The following CAMLG variants were observed in gnomAD, a reference collection of about 807,000 sequenced individuals.
CAMLG encodes calcium modulating ligand, also known as guided entry of tail-anchored proteins factor CAMLG.
In CAMLG, 23 loss-of-function variants were observed where a neutral mutation model predicts 28.9. The ratio of observed to expected loss-of-function variants is 0.80; its 90% CI spans 0.57 to 1.13. CAMLG has a LOEUF of 1.13. Among genes scored for constraint, CAMLG ranks in the 50% most tolerant of loss-of-function variants. The probability of loss-of-function intolerance (pLI) is 0.00; values close to 1 mark genes in which losing one functional copy is unlikely to be tolerated. For synonymous variants in CAMLG, 141 were observed against 146.5 expected, an observed-to-expected ratio of 0.96 and a Z score of 0.27; for missense variants, 367 against 371.9, an observed-to-expected ratio of 0.99 and a Z score of 0.11.
chr5:134,750,537 CAAAA>C (rs750026162), intron 3 of CAMLG, among the ~76,000 whole-genome samples: 1 of 122,344 alleles, frequency 8.2e-6, no homozygotes, highest in Non-Finnish European at 1.7e-5. Context: ...GACTCCATCT[CAAAA>C]AAAAAAAAAG....
chr5:134,749,175 C>T (rs1207149673), intron 3 of CAMLG, among the ~76,000 whole-genome samples: 1 of 151,406 alleles, frequency 6.6e-6, no homozygotes, highest in Non-Finnish European at 1.5e-5. Context: ...TCAAGCAATT[C>T]TCCTGCCTCA....
In CAMLG at chr5:134,741,411, C is replaced by T. The variant is rs760036298; in HGVS notation, c.521C>T (p.Pro174Leu). Reference protein sequence around the residue: ...KLRKQLISEKPSQEDGNTTEE... With the variant: ...KLRKQLISEKLSQEDGNTTEE... ...AGGAAACAGCTGATTAGTGAAAAAC[C>T]CAGTCAAGAGGATGGAAATACAACA... The change falls in exon 2 of 4, where the codon CCC (proline) becomes CTC (leucine). Residue 174 changes from proline (P) to leucine (L), a missense_variant. By Grantham distance (98) the Pro-to-Leu change is moderately conservative. Coordinates refer to ENST00000297156, the MANE Select transcript of CAMLG (RefSeq NM_001745.4). 4 of 1,613,824 alleles carry T rather than the reference C, an allele frequency of 2.5e-6. No homozygotes were observed. Among genetic ancestry groups the T allele is most frequent in the Non-Finnish European group, 3.4e-6 (4 of 1,179,732 alleles).
At chr5:134,745,783 T>C (rs970893623) in intron 3 of CAMLG, among the ~76,000 whole-genome samples, 1 of 149,732 alleles carries the variant, frequency 6.7e-6, no homozygotes, top group Admixed American at 6.7e-5. Flanking sequence ...CTTTGAAACA[T>C]TGATTGTAGT....
chr5:134,742,896 G>T (rs1753001282), intron 2 of CAMLG, among the ~76,000 whole-genome samples: 1 of 152,028 alleles, frequency 6.6e-6, no homozygotes, highest in African/African-American at 2.4e-5. Flanking sequence ...GTGCCAACAC[G>T]CACGGCTAAT....
chr5:134,747,605 C>T (rs540675437), intron 3 of CAMLG, among the ~76,000 whole-genome samples: 20 of 151,232 alleles, frequency 1.3e-4, no homozygotes, highest in Non-Finnish European at 2.7e-4. Context: ...CTCGGCCCCC[C>T]AAAGTGCTGG....
chr5:134,744,111 A>G, intron 3 of CAMLG, 59 bp downstream of exon 3: 2 of 770,972 alleles, frequency 2.6e-6, no homozygotes, highest in Non-Finnish European at 4.4e-6. Context: ...ATGACTAGCT[A>G]ATTGAAGGAA....
rs1753106973 is a variant in CAMLG, at chr5:134,750,946, C to T, written c.887C>T (p.Pro296Leu). The change falls in exon 4 of 4, where the codon CCA becomes CTA. Residue 296 changes from proline (P) to leucine (L), a missense_variant. Physicochemically the swap from Pro to Leu is moderately conservative, Grantham distance 98 (BLOSUM62 -3). Transcript: ENST00000297156. ...CTTGATTATTGGGGCTCTGAAGTAC[C>T]ATGAAGCCTGTAGAACTGAGAAGGA... is the stretch of plus-strand genomic sequence containing the variant. ...ELLDYWGSEV[P>L] is the part of the protein sequence containing the mutation. 6.2e-7 allele frequency: 1 copy of T among 1,604,062 alleles called. No homozygotes were observed. Among genetic ancestry groups the T allele is most frequent in the Middle Eastern group, 1.7e-4 (1 of 6,028 alleles).
chr5:134,747,736 G>T (rs1289260338), intron 3 of CAMLG, among the ~76,000 whole-genome samples: 2 of 151,266 alleles, frequency 1.3e-5, no homozygotes, highest in Admixed American at 6.6e-5. Context: ...CCACCTCCCA[G>T]GTTCAAGCGA....
intron 2 of CAMLG, among the ~76,000 whole-genome samples, chr5:134,741,790 T>A (rs1361871457): frequency 2.0e-5 from 3 of 152,160 alleles, no homozygotes; most frequent in Non-Finnish European, 1.5e-5. Context: ...ATTGAAAATA[T>A]TTGGATTTAG....
Position 134,750,915 on chromosome 5 carries a change from G to C in CAMLG, c.856G>C (p.Glu286Gln). ...VYFFTFIFCHELLDYWGSEVP is the reference protein window; with the variant it reads ...VYFFTFIFCHQLLDYWGSEVP ...CTTTTTCACTTTTATCTTTTGTCATGAACTGCTTGATTATTGGGGCTCTGA... is the reference window on the plus strand; with the variant it reads ...CTTTTTCACTTTTATCTTTTGTCATCAACTGCTTGATTATTGGGGCTCTGA... Residue 286 changes from glutamate to glutamine, a missense_variant, in exon 4 of 4, where the codon GAA becomes CAA. Coordinates refer to ENST00000297156, the MANE Select transcript of CAMLG (RefSeq NM_001745.4). 6.2e-7 allele frequency: 1 copy of C among 1,613,376 alleles called. No individual in the cohort carries two copies. The highest frequency in any genetic ancestry group is 8.5e-7 in the Non-Finnish European group (1 of 1,179,874).
rs373460413 is a variant in CAMLG at position 134,741,275 on chromosome 5, C to G, written c.385C>G (p.Leu129Val). 6.2e-7 allele frequency: 1 copy of G among 1,614,052 alleles called. No individual in the cohort carries two copies. The highest frequency in any genetic ancestry group is 1.3e-5 in the African/African-American group (1 of 74,916). ...KPPECSSDVNLELRQRNRGDL... is the reference protein window; with the variant it reads ...KPPECSSDVNVELRQRNRGDL... Reference sequence around the variant, plus strand: ...ACCTGAGTGCAGTAGTGATGTCAACCTTGAGCTCCGGCAGCGGAACAGAGG... The same window carrying G: ...ACCTGAGTGCAGTAGTGATGTCAACGTTGAGCTCCGGCAGCGGAACAGAGG... Residue 129 changes from leucine to valine, a missense_variant, in exon 2 of 4, where the codon CTT becomes GTT. Coordinates refer to ENST00000297156, the MANE Select transcript of CAMLG (RefSeq NM_001745.4).
Position 134,750,980 on chromosome 5 carries a change from C to CA in CAMLG, c.*43dup, listed in dbSNP as rs748014093. The CA allele has an allele frequency of 0.091, 96,293 of 1,053,034 alleles. 70 individuals are homozygous for CA. Among genetic ancestry groups the CA allele is most frequent in the Non-Finnish European group, 0.1 (77,822 of 781,280 alleles). The allele number at this position is 1,053,034 out of a possible 1,614,324, so 65.2% of individuals were successfully genotyped here. A position where few individuals can be genotyped will look rare whatever the true frequency, so the allele number is the denominator to read the frequency against. Reference sequence around the variant, plus strand: ...TGTAGAACTGAGAAGGAGAAGCTTACAAAAAAAAAAAAATCCTCTTCTATA... The same window carrying CA: ...TGTAGAACTGAGAAGGAGAAGCTTACAAAAAAAAAAAAAATCCTCTTCTATA... On this transcript the variant is annotated 3_prime_UTR_variant, in exon 4 of 4. Coordinates refer to ENST00000297156, the MANE Select transcript of CAMLG (RefSeq NM_001745.4).
intron 3 of CAMLG, among the ~76,000 whole-genome samples, chr5:134,746,820 C>T (rs1052163678): frequency 4.6e-5 from 7 of 151,030 alleles, no homozygotes; most frequent in African/African-American, 1.7e-4. Context: ...AGGCGTGGTG[C>T]CTCACGCCTG....
At chr5:134,739,528 A>G (rs770349767) in intron 1 of CAMLG, among the ~76,000 whole-genome samples, 2 of 152,126 alleles carry the variant, frequency 1.3e-5, no homozygotes. Context: ...CCCCAAACAC[A>G]TGTCCAATGA....
chr5:134,749,317 C>T (rs1753086560), intron 3 of CAMLG, among the ~76,000 whole-genome samples: 1 of 152,140 alleles, frequency 6.6e-6, no homozygotes, highest in South Asian at 2.1e-4. Flanking sequence ...ATCCACCCAC[C>T]TCGACCTCCC....
Position 134,751,041 on chromosome 5 carries a change from C to T in CAMLG, c.*91C>T, listed in dbSNP as rs567162081. Reference sequence around the variant, plus strand: ...TCTAAAGGAGGCAAATTGGTTTACACCTTCATGTAATTCTTTTACTTTAGG... The same window carrying T: ...TCTAAAGGAGGCAAATTGGTTTACATCTTCATGTAATTCTTTTACTTTAGG... On this transcript the variant is annotated 3_prime_UTR_variant, in exon 4 of 4. Transcript: ENST00000297156. The T allele has an allele frequency of 4.7e-6, 4 of 846,930 alleles. No individual in the cohort carries two copies. Among genetic ancestry groups the T allele is most frequent in the Middle Eastern group, 4.6e-4 (2 of 4,338 alleles). 52.5% of individuals were successfully genotyped at this position (846,930 alleles called of 1,614,324 possible). A position where few individuals can be genotyped will look rare whatever the true frequency, so the allele number is the denominator to read the frequency against.
chr5:134,741,100 T>C lies in CAMLG; in HGVS notation c.210T>C (p.Ser70=). ...AAACAAAATCAAAGCAGCAGGACAG[T>C]GATAAACTGAACTCCCTCAGCGTTC... ...ESQTKSKQQD[S]DKLNSLSVPS... The change falls in exon 2 of 4, where the codon AGT becomes AGC. Residue 70 remains serine, a synonymous_variant. Transcript: ENST00000297156. 6.2e-7 allele frequency: 1 copy of C among 1,614,052 alleles called. No homozygotes were observed.
At chr5:134,745,450 A>G (rs1452317120) in intron 3 of CAMLG, among the ~76,000 whole-genome samples, 2 of 138,636 alleles carry the variant, frequency 1.4e-5, no homozygotes, top group African/African-American at 5.5e-5. Flanking sequence ...AAAAAAAAAA[A>G]AGAAAGAAAT....
In CAMLG at chr5:134,751,125, A is replaced by G; in HGVS notation, c.*175A>G. On this transcript the variant is annotated 3_prime_UTR_variant, in exon 4 of 4. Transcript: ENST00000297156. ...CAGATTCTCTGATTTAAAAGGGCTG[A>G]GTTTGTATTATTACTGATATGAAGA... is the stretch of plus-strand genomic sequence containing the variant. 1 of 536,530 alleles carries G rather than the reference A, an allele frequency of 1.9e-6. No homozygotes were observed. Among genetic ancestry groups the G allele is most frequent in the Non-Finnish European group, 3.3e-6 (1 of 303,540 alleles). 33.2% of individuals were successfully genotyped at this position (536,530 alleles called of 1,614,324 possible). A position where few individuals can be genotyped will look rare whatever the true frequency, so the allele number is the denominator to read the frequency against.
Sources: gnomAD v4.1 joint callset for allele counts (sites outside exome capture counted in the v4.1 genomes callset) on GRCh38, gnomAD v4.1.1 for gene constraint, MANE v1.5 for transcripts, NCBI Gene and HGNC (gene_info 2026-07-23, HGNC 2026-07-21) for gene names.